Variants in FAM178B observed in about 807,000 individuals in gnomAD.
FAM178B encodes the protein protein FAM178B.
In FAM178B, 82 loss-of-function variants were observed where a neutral mutation model predicts 91.7. The observed-to-expected ratio is 0.89, with a 90% confidence interval of 0.75 to 1.07. The LOEUF is 1.07. Among genes scored for constraint, FAM178B ranks in the 50% least tolerant of loss-of-function variants. The pLI, the probability that FAM178B is intolerant of heterozygous loss-of-function variation, is 0.00. For synonymous variants in FAM178B, 368 were observed against 359.4 expected (o/e 1.02, Z -0.27); for missense variants, 769 against 846.7 (o/e 0.91, Z 1.14).
chr2:96,972,406 C>G, intron 2 of FAM178B, 84 bp from the exon 3 acceptor site: 1 of 1,478,326 alleles, frequency 6.8e-7, no homozygotes, highest in Non-Finnish European at 9.1e-7. Context: ...AGGAGAGCAG[C>G]AAATGGGTGA....
intron 5 of FAM178B, among the ~76,000 whole-genome samples, chr2:96,966,066 G>A (rs928846481): frequency 6.6e-6 from 1 of 152,040 alleles, no homozygotes; most frequent in Non-Finnish European, 1.5e-5. Flanking sequence ...AGGGTCCTAT[G>A]CAGACATGTG....
chr2:96,969,146 C>G (rs1272823424), intron 4 of FAM178B, among the ~76,000 whole-genome samples: 1 of 152,226 alleles, frequency 6.6e-6, no homozygotes, highest in Non-Finnish European at 1.5e-5. Context: ...GCCAGGGAAG[C>G]AGGGGCTGCA....
chr2:96,947,813 C>T lies in FAM178B; in HGVS notation c.1078+5G>A. ...CCAATCTCCACCCTGCATCCCAGTACTGACCAGGCTGAAGGAAGATTCCAT... is the reference window on the plus strand; with the variant it reads ...CCAATCTCCACCCTGCATCCCAGTATTGACCAGGCTGAAGGAAGATTCCAT... On this transcript the variant is annotated splice_donor_5th_base_variant and intron_variant, in intron 8 of 16. Coordinates refer to ENST00000490605, the MANE Select transcript of FAM178B (RefSeq NM_001122646.3). 1.3e-6 allele frequency: 2 copies of T among 1,521,434 alleles called. No individual in the cohort carries two copies. Among genetic ancestry groups the T allele is most frequent in the Non-Finnish European group, 1.8e-6 (2 of 1,119,814 alleles). 94.2% of individuals were successfully genotyped at this position (1,521,434 alleles called of 1,614,324 possible). A position where few individuals can be genotyped will look rare whatever the true frequency, so the allele number is the denominator to read the frequency against.
At chr2:96,932,041 G>C (rs2153371834) in intron 8 of FAM178B, among the ~76,000 whole-genome samples, 1 of 152,322 alleles carries the variant, frequency 6.6e-6, no homozygotes, top group East Asian at 1.9e-4. Context: ...GCACCTGTGG[G>C]CGGGCAGATG....
At position 96,883,939 on chromosome 2, in the gene FAM178B, T is replaced by G. The variant is rs545048314; in HGVS notation, c.1777-5446A>C. Among the ~76,000 whole-genome samples the G allele has an allele frequency of 3.3e-5, 5 of 152,244 alleles. No homozygotes were observed. In the East Asian group the frequency reaches 9.7e-4, roughly 30 times the overall value. On this transcript the variant is annotated intron_variant, in intron 14 of 16. Transcript: ENST00000490605. Reference sequence around the variant, plus strand: ...AAGCATTCTGCCTTGGTATCATCATTGCCACACACGAGTCCTCTCAGGACA... The same window carrying G: ...AAGCATTCTGCCTTGGTATCATCATGGCCACACACGAGTCCTCTCAGGACA...
intron 14 of FAM178B, among the ~76,000 whole-genome samples, chr2:96,889,676 T>TTAAA (rs1559052444): frequency 3.9e-4 from 38 of 98,060 alleles, no homozygotes; most frequent in African/African-American, 1.6e-3. Context: ...AGACTCTGTC[T>TTAAA]CAAATAAATA....
Position 96,972,200 on chromosome 2 carries a change from G to C in FAM178B, c.265C>G (p.Pro89Ala), listed in dbSNP as rs1386854448. The change falls in exon 3 of 17, where the codon CCA becomes GCA. Residue 89 changes from proline to alanine, a missense_variant. Physicochemically the swap from Pro to Ala is conservative, Grantham distance 27 (BLOSUM62 -1). Transcript: ENST00000490605. The part of the protein sequence containing the change: ...ARRPCSPASA[P>A]APTSPKKPKI... The stretch of plus-strand genomic sequence containing the variant: ...GGCTTCTTTGGCGATGTGGGAGCTG[G>C]AGCCGAGGCAGGGCTGCAGGGCCGC... The C allele has an allele frequency of 1.3e-6, 2 of 1,546,330 alleles. No individual in the cohort carries two copies. The highest frequency in any genetic ancestry group is 2.0e-5 in the Admixed American group (1 of 50,298).
chr2:96,901,166 ATTCTTTT>A (rs1303593946), intron 13 of FAM178B, among the ~76,000 whole-genome samples: 107 of 147,228 alleles, frequency 7.3e-4, no homozygotes, highest in African/African-American at 2.7e-3. Context: ...GGAAGGCTGA[ATTCTTTT>A]TTCTTTTTTT....
intron 5 of FAM178B, 33 bp downstream of exon 5, chr2:96,967,487 T>A: frequency 7.1e-6 from 10 of 1,410,176 alleles, no homozygotes; most frequent in Non-Finnish European, 9.8e-6. Context: ...GTCTTTCCCC[T>A]TCGGAGGCTG....
chr2:96,905,818 G>GTATATATATA (rs1226987241), intron 12 of FAM178B, among the ~76,000 whole-genome samples: 3 of 34,194 alleles, frequency 8.8e-5, no homozygotes, highest in Non-Finnish European at 1.1e-4. Flanking sequence ...ATATATGTGT[G>GTATATATATA]TATATATATA....
At chr2:96,889,227 C>G (rs2080605411) in intron 14 of FAM178B, among the ~76,000 whole-genome samples, 1 of 152,184 alleles carries the variant, frequency 6.6e-6, no homozygotes, top group African/African-American at 2.4e-5. Flanking sequence ...CCTTTGTGGT[C>G]CTTAGTTTCT....
intron 8 of FAM178B, among the ~76,000 whole-genome samples, chr2:96,947,448 C>T (rs566111912): frequency 6.6e-6 from 1 of 152,260 alleles, no homozygotes; most frequent in African/African-American, 2.4e-5. Context: ...GCGGATATTC[C>T]TGGAACCCTC....
intron 6 of FAM178B, among the ~76,000 whole-genome samples, chr2:96,957,928 GA>G (rs1426245686): frequency 1.3e-5 from 2 of 152,000 alleles, no homozygotes; most frequent in Non-Finnish European, 2.9e-5. Flanking sequence ...AGGAAGGTTG[GA>G]AAAAACTTTT....
chr2:96,927,043 C>T (rs575854583), intron 9 of FAM178B, among the ~76,000 whole-genome samples: 8 of 152,166 alleles, frequency 5.3e-5, no homozygotes, highest in Non-Finnish European at 8.8e-5. Flanking sequence ...GGAGCCAGGA[C>T]GAGAAGGAAC....
intron 7 of FAM178B, among the ~76,000 whole-genome samples, chr2:96,948,774 G>C (rs2081874382): frequency 1.3e-5 from 2 of 152,216 alleles, no homozygotes; most frequent in Admixed American, 1.3e-4. Context: ...CTTGGAGGGA[G>C]CACCTAGTGC....
At chr2:96,964,476 A>T (rs1410036977) in intron 5 of FAM178B, among the ~76,000 whole-genome samples, 2 of 152,124 alleles carry the variant, frequency 1.3e-5, no homozygotes, top group Non-Finnish European at 2.9e-5. Flanking sequence ...GTGGCAGAGG[A>T]GACGGGGTGT....
chr2:96,934,121 A>G (rs1440491843), intron 8 of FAM178B, among the ~76,000 whole-genome samples: 1 of 152,244 alleles, frequency 6.6e-6, no homozygotes, highest in East Asian at 1.9e-4. Flanking sequence ...AGTGGTGAAC[A>G]AAACACAAAG....
At chr2:96,972,514 C>A (rs1428923411) in intron 2 of FAM178B, 24 bp downstream of exon 2, 5 of 1,550,856 alleles carry the variant, frequency 3.2e-6, no homozygotes, top group Non-Finnish European at 4.4e-6. Context: ...TGGGGATTTA[C>A]CTGTGCAGGT....
chr2:96,893,685 C>T (rs2080736629), intron 14 of FAM178B, among the ~76,000 whole-genome samples: 1 of 152,090 alleles, frequency 6.6e-6, no homozygotes, highest in Admixed American at 6.5e-5. Flanking sequence ...GACATTTGGC[C>T]CCTACACCTG....
Sources: gnomAD v4.1 joint callset for allele counts (sites outside exome capture counted in the v4.1 genomes callset) on GRCh38, gnomAD v4.1.1 for gene constraint, MANE v1.5 for transcripts, NCBI Gene and HGNC (gene_info 2026-07-23, HGNC 2026-07-21) for gene names.